The following CCSER1 variants were observed in gnomAD, a reference collection of about 807,000 sequenced individuals.
The protein encoded by CCSER1 is serine-rich coiled-coil domain-containing protein 1.
A neutral mutation model predicts 82.0 loss-of-function variants in CCSER1; 41 were observed. The ratio of observed to expected loss-of-function variants is 0.50; its 90% CI spans 0.39 to 0.65. The LOEUF (loss-of-function observed/expected upper bound fraction) is 0.65. Ranked by LOEUF, CCSER1 falls within the 30% of genes least tolerant of loss-of-function variation. The probability of loss-of-function intolerance (pLI) is 0.00; values close to 1 mark genes in which losing one functional copy is unlikely to be tolerated. For missense variants in CCSER1, 1,119 were observed against 1,064.2 expected, an observed-to-expected ratio of 1.05 and a Z score of -0.72; for synonymous variants, 414 against 383.9, an observed-to-expected ratio of 1.08 and a Z score of -0.92.
At chr4:90,533,942 T>A (rs1560674820) in intron 5 of CCSER1, among the ~76,000 whole-genome samples, 1 of 152,158 alleles carries the variant, frequency 6.6e-6, no homozygotes, top group Admixed American at 6.5e-5. Flanking sequence ...ACAAAGAATA[T>A]CCCATTTACC....
intron 6 of CCSER1, among the ~76,000 whole-genome samples, chr4:90,684,868 G>T (rs1734524090): frequency 6.6e-6 from 1 of 152,134 alleles, no homozygotes; most frequent in South Asian, 2.1e-4. Context: ...TTTGCCAGGT[G>T]CCATCCATGT....
At chr4:90,957,524 C>A (rs538638744) in intron 9 of CCSER1, among the ~76,000 whole-genome samples, 9,441 of 95,610 alleles carry the variant, frequency 0.099, 516 homozygotes, top group East Asian at 0.29. Flanking sequence ...AACATAATAT[C>A]ATATATTATA....
Position 90,957,098 on chromosome 4 carries a change from CT to C in CCSER1, c.2172+33673del, listed in dbSNP as rs1215668480. ...ATCCAGCCTGATATTTCTTTCTTTCCTTTTTTTTTTTTTTTTTTTTTTGAGA... is the reference window on the plus strand; with the variant it reads ...ATCCAGCCTGATATTTCTTTCTTTCCTTTTTTTTTTTTTTTTTTTTTGAGA... On this transcript the variant is annotated intron_variant, in intron 9 of 10. Coordinates refer to ENST00000509176, the MANE Select transcript of CCSER1 (RefSeq NM_001145065.2). Among the ~76,000 whole-genome samples the C allele has an allele frequency of 2.9e-3, 253 of 86,700 alleles. No homozygotes were observed. The South Asian group carries it at 0.031, about 11-fold the overall frequency. 56.9% of individuals were successfully genotyped at this position (86,700 alleles called of 152,430 possible).
chr4:91,305,854 G>T (rs1210923558), intron 10 of CCSER1, among the ~76,000 whole-genome samples: 1 of 151,980 alleles, frequency 6.6e-6, no homozygotes, highest in East Asian at 1.9e-4. Flanking sequence ...AGGCAGAAGA[G>T]CGTGTTCAGG....
chr4:91,132,252 C>A (rs1460567452), intron 10 of CCSER1, among the ~76,000 whole-genome samples: 2 of 152,012 alleles, frequency 1.3e-5, no homozygotes, highest in Non-Finnish European at 2.9e-5. Context: ...AGATAGAGTT[C>A]AAGGGTGACT....
At chr4:90,806,412 C>A (rs996382846) in intron 7 of CCSER1, among the ~76,000 whole-genome samples, 1 of 152,004 alleles carries the variant, frequency 6.6e-6, no homozygotes, top group African/African-American at 2.4e-5. Context: ...TTCCTAGTAG[C>A]CACAATATAG....
At chr4:90,835,982 T>C (rs1310939653) in intron 8 of CCSER1, among the ~76,000 whole-genome samples, 2 of 152,188 alleles carry the variant, frequency 1.3e-5, no homozygotes, top group Non-Finnish European at 2.9e-5. Flanking sequence ...AATCTGATGC[T>C]CTTGTATATG....
At chr4:90,970,901 C>T (rs538458544) in intron 9 of CCSER1, among the ~76,000 whole-genome samples, 2 of 151,652 alleles carry the variant, frequency 1.3e-5, no homozygotes, top group South Asian at 4.2e-4. Flanking sequence ...ACATTTAGGA[C>T]ATGAATACAG....
chr4:91,084,184 T>C (rs1236219015), intron 9 of CCSER1, among the ~76,000 whole-genome samples: 2 of 152,140 alleles, frequency 1.3e-5, no homozygotes, highest in East Asian at 3.9e-4. Flanking sequence ...CACCTGCCTG[T>C]GCCTCCCAAA....
intron 10 of CCSER1, among the ~76,000 whole-genome samples, chr4:91,107,286 G>C (rs62312242): frequency 6.6e-6 from 1 of 151,930 alleles, no homozygotes; most frequent in Non-Finnish European, 1.5e-5. Context: ...ACAGAGCCCC[G>C]CTCTGTCACC....
chr4:90,412,975 T>C (rs1755129652), intron 4 of CCSER1, among the ~76,000 whole-genome samples: 1 of 152,076 alleles, frequency 6.6e-6, no homozygotes, highest in South Asian at 2.1e-4. Flanking sequence ...CTGTCAGAAA[T>C]AAAGAGCATC....
chr4:91,022,880 G>A (rs902791263), intron 9 of CCSER1, among the ~76,000 whole-genome samples: 1 of 151,932 alleles, frequency 6.6e-6, no homozygotes. Context: ...TTGTAAATTT[G>A]TTTGAGTTCA....
chr4:91,365,866 G>A (rs556924733), intron 10 of CCSER1, among the ~76,000 whole-genome samples: 16 of 152,222 alleles, frequency 1.1e-4, no homozygotes, highest in East Asian at 7.7e-4. Flanking sequence ...AGTGTGGAGC[G>A]CAGTGCCTAG....
intron 10 of CCSER1, among the ~76,000 whole-genome samples, chr4:91,295,257 T>C (rs1272563045): frequency 2.0e-5 from 3 of 152,004 alleles, no homozygotes; most frequent in Admixed American, 6.6e-5. Flanking sequence ...AATGAAATAA[T>C]TCAAGTAAAT....
At chr4:90,935,799 T>G (rs1730859596) in intron 9 of CCSER1, among the ~76,000 whole-genome samples, 1 of 152,134 alleles carries the variant, frequency 6.6e-6, no homozygotes, top group Admixed American at 6.5e-5. Context: ...GTTTAGAGGT[T>G]ACTACTGGGG....
intron 10 of CCSER1, among the ~76,000 whole-genome samples, chr4:91,542,872 C>G (rs1329252473): frequency 2.6e-5 from 4 of 151,940 alleles, no homozygotes; most frequent in Non-Finnish European, 5.9e-5. Flanking sequence ...CTTTTTTTCT[C>G]TTTGATCTGT....
At chr4:90,271,740 C>T (rs1201732899) in intron 1 of CCSER1, among the ~76,000 whole-genome samples, 1 of 146,296 alleles carries the variant, frequency 6.8e-6, no homozygotes, top group Admixed American at 6.9e-5. Context: ...GCAAACTGTC[C>T]ATCTGACAAG....
chr4:90,701,412 T>C (rs954840839), intron 6 of CCSER1, among the ~76,000 whole-genome samples: 3 of 152,214 alleles, frequency 2.0e-5, no homozygotes, highest in Admixed American at 1.3e-4. Context: ...TGATATCAGG[T>C]AGCGTGATGC....
At chr4:91,380,021 G>A (rs1750752349) in intron 10 of CCSER1, among the ~76,000 whole-genome samples, 2 of 152,178 alleles carry the variant, frequency 1.3e-5, no homozygotes, top group Non-Finnish European at 2.9e-5. Context: ...AGTCATTTAG[G>A]AGCAGGTTGT....
Sources: gnomAD v4.1 joint callset for allele counts (sites outside exome capture counted in the v4.1 genomes callset) on GRCh38, gnomAD v4.1.1 for gene constraint, MANE v1.5 for transcripts, NCBI Gene and HGNC (gene_info 2026-07-23, HGNC 2026-07-21) for gene names.